The following ABCA1 variants were observed in gnomAD, a reference collection of about 807,000 sequenced individuals.
ABCA1 encodes ATP binding cassette subfamily A member 1.
A neutral mutation model predicts 262.5 loss-of-function variants in ABCA1; 133 were observed. That is an observed-to-expected ratio of 0.51 (90% confidence interval 0.44 to 0.59). The LOEUF (loss-of-function observed/expected upper bound fraction) is 0.59. ABCA1 is among the 20% of genes least tolerant of loss of function. The probability of loss-of-function intolerance (pLI) is 0.00; values close to 1 mark genes in which losing one functional copy is unlikely to be tolerated. For synonymous variants in ABCA1, 1,022 were observed against 1,043.5 expected (o/e 0.98, Z 0.40); for missense variants, 2,452 against 2,777.5 (o/e 0.88, Z 2.63).
At chr9:104,851,710 C>T (rs1055600264) in intron 7 of ABCA1, among the ~76,000 whole-genome samples, 5 of 152,216 alleles carry the variant, frequency 3.3e-5, no homozygotes, top group Admixed American at 6.5e-5. Flanking sequence ...GTCTGTCCCA[C>T]CCATTCCCCA....
Position 104,861,952 on chromosome 9 carries a change from C to G in ABCA1, c.422-152G>C, listed in dbSNP as rs184584482. The G allele has an allele frequency of 3.1e-4, 222 of 726,598 alleles. No homozygotes were observed. In the African/African-American group the frequency reaches 3.5e-3, roughly 12 times the overall value. 45.0% of individuals were successfully genotyped at this position (726,598 alleles called of 1,614,324 possible). ...ACACAGGAATGAGATAGGGGAGCAT[C>G]GCCATATCAGGAGAGGCATGAAAAT... On this transcript the variant is annotated intron_variant, in intron 5 of 49. Coordinates refer to ENST00000374736, the MANE Select transcript of ABCA1 (RefSeq NM_005502.4).
chr9:104,887,768 C>G (rs1352532865), intron 3 of ABCA1, among the ~76,000 whole-genome samples: 1 of 141,628 alleles, frequency 7.1e-6, no homozygotes, highest in African/African-American at 2.7e-5. Flanking sequence ...ACTCTGTTGC[C>G]CAGGCTGGAG....
intron 5 of ABCA1, among the ~76,000 whole-genome samples, chr9:104,864,515 T>C (rs1354311673): frequency 6.6e-6 from 1 of 152,194 alleles, no homozygotes; most frequent in Non-Finnish European, 1.5e-5. Context: ...ACCTGGGTTC[T>C]AAATCCATTT....
intron 9 of ABCA1, among the ~76,000 whole-genome samples, chr9:104,839,320 G>A (rs914376831): frequency 2.0e-5 from 3 of 152,210 alleles, no homozygotes; most frequent in Admixed American, 6.5e-5. Flanking sequence ...ATCTTAGAGA[G>A]CACAGATCCA....
At chr9:104,913,729 C>A (rs1425970297) in intron 1 of ABCA1, among the ~76,000 whole-genome samples, 1 of 152,200 alleles carries the variant, frequency 6.6e-6, no homozygotes, top group Non-Finnish European at 1.5e-5. Context: ...TACATTCTCA[C>A]AGAGGTTGCA....
At chr9:104,784,889 GCT>G (rs1292434142) in intron 49 of ABCA1, among the ~76,000 whole-genome samples, 2 of 152,056 alleles carry the variant, frequency 1.3e-5, no homozygotes, top group Admixed American at 1.3e-4. Flanking sequence ...TGATCTGCCT[GCT>G]CCTCAGCCTC....
At chr9:104,862,669 C>A (rs568004293) in intron 5 of ABCA1, among the ~76,000 whole-genome samples, 2,306 of 9,424 alleles carry the variant, frequency 0.24, 541 homozygotes, top group African/African-American at 0.44. Flanking sequence ...CGGGCCGGGC[C>A]GGGCCGGGCC....
At chr9:104,895,541 G>A (rs1339611514) in intron 2 of ABCA1, among the ~76,000 whole-genome samples, 1 of 152,166 alleles carries the variant, frequency 6.6e-6, no homozygotes, top group Non-Finnish European at 1.5e-5. Flanking sequence ...AACCGGCCCC[G>A]GTCGAGAACC....
intron 3 of ABCA1, among the ~76,000 whole-genome samples, chr9:104,885,269 T>C (rs1263244582): frequency 6.6e-6 from 1 of 152,082 alleles, no homozygotes; most frequent in African/African-American, 2.4e-5. Flanking sequence ...TAAGATAAAG[T>C]GACTGACAAA....
intron 1 of ABCA1, among the ~76,000 whole-genome samples, chr9:104,906,180 G>A (rs1334177402): frequency 6.6e-6 from 1 of 152,148 alleles, no homozygotes; most frequent in Non-Finnish European, 1.5e-5. Flanking sequence ...ATTATTTCTA[G>A]CAAATCCATT....
intron 2 of ABCA1, among the ~76,000 whole-genome samples, chr9:104,893,808 G>A (rs1839978702): frequency 6.6e-6 from 1 of 152,176 alleles, no homozygotes; most frequent in South Asian, 2.1e-4. Context: ...GACACCACGG[G>A]TGACTCAGGT....
rs746433545 is a variant in ABCA1 at position 104,818,689 on chromosome 9, T to G, written c.3436A>C (p.Ser1146Arg). Residue 1146 changes from serine to arginine, a missense_variant, in exon 23 of 50, where the codon AGT (serine) becomes CGT (arginine). Coordinates refer to ENST00000374736, the MANE Select transcript of ABCA1 (RefSeq NM_005502.4). ...ESSLSSCRNS[S>R]STVSYLKKED... ...TTTTTCAGGTATGACACAGTGCTAC[T>G]ACTGTTTCTGCAGGAACTGAGGGAG... is the stretch of plus-strand genomic sequence containing the variant. 6.2e-7 allele frequency: 1 copy of G among 1,613,368 alleles called. No individual in the cohort carries two copies. Among genetic ancestry groups the G allele is most frequent in the Non-Finnish European group, 8.5e-7 (1 of 1,180,018 alleles).
chr9:104,785,329 G>A (rs1828826346), intron 49 of ABCA1, 67 bp downstream of exon 49: 8 of 1,598,702 alleles, frequency 5.0e-6, no homozygotes, highest in Non-Finnish European at 6.0e-6. Flanking sequence ...TTGGACCTAT[G>A]GGCGGGAGTG....
intron 5 of ABCA1, among the ~76,000 whole-genome samples, chr9:104,879,014 G>T (rs1435383429): frequency 6.6e-6 from 1 of 151,888 alleles, no homozygotes; most frequent in Non-Finnish European, 1.5e-5. Context: ...GGCAGAGGCT[G>T]CAGTGAGCCA....
At chr9:104,848,711 A>G (rs184858547) in intron 7 of ABCA1, among the ~76,000 whole-genome samples, 12 of 152,118 alleles carry the variant, frequency 7.9e-5, no homozygotes, top group African/African-American at 2.7e-4. Flanking sequence ...GACTCTTTTG[A>G]GCACTGAGGT....
At chr9:104,838,616 CA>C (rs1191592377) in intron 9 of ABCA1, among the ~76,000 whole-genome samples, 3,854 of 106,580 alleles carry the variant, frequency 0.036, 77 homozygotes, top group African/African-American at 0.087. Context: ...GACTCCCTCT[CA>C]AAAAAAAAAA....
At chr9:104,895,772 G>C (rs939334688) in intron 2 of ABCA1, among the ~76,000 whole-genome samples, 4 of 152,118 alleles carry the variant, frequency 2.6e-5, no homozygotes, top group Non-Finnish European at 4.4e-5. Flanking sequence ...CCACAATCCA[G>C]TCACTCTGTG....
Position 104,794,452 on chromosome 9 carries a change from C to T in ABCA1, c.5441G>A (p.Cys1814Tyr). The change falls in exon 40 of 50, where the codon TGC (cysteine) becomes TAC (tyrosine). Residue 1814 changes from cysteine (C) to tyrosine (Y), a missense_variant. Cys to Tyr is a radical substitution (Grantham distance 194). Transcript: ENST00000374736. ...CATGTCGATGAGCCCTCGTCCCAGG[C>T]AAAAATGTGGGAAGATCAAGAACAC... is the stretch of plus-strand genomic sequence containing the variant. ...KSVFLIFPHF[C>Y]LGRGLIDMVK... 1.3e-6 allele frequency: 2 copies of T among 1,525,766 alleles called. No individual in the cohort carries two copies. Among genetic ancestry groups the T allele is most frequent in the Non-Finnish European group, 1.8e-6 (2 of 1,131,996 alleles). 94.5% of individuals were successfully genotyped at this position (1,525,766 alleles called of 1,614,324 possible). A position where few individuals can be genotyped will look rare whatever the true frequency, so the allele number is the denominator to read the frequency against.
At chr9:104,914,293 A>G (rs1705083267) in intron 1 of ABCA1, among the ~76,000 whole-genome samples, 1 of 151,722 alleles carries the variant, frequency 6.6e-6, no homozygotes, top group African/African-American at 2.4e-5. Context: ...CCTGGTCAAC[A>G]TGATAAAACC....
Sources: gnomAD v4.1 joint callset for allele counts (sites outside exome capture counted in the v4.1 genomes callset) on GRCh38, gnomAD v4.1.1 for gene constraint, MANE v1.5 for transcripts, NCBI Gene and HGNC (gene_info 2026-07-23, HGNC 2026-07-21) for gene names.